Variants in THSD7A observed in about 807,000 individuals in gnomAD.
The protein encoded by THSD7A is thrombospondin type 1 domain containing 7A.
THSD7A carries 96 observed loss-of-function variants against 231.3 expected under a neutral mutation model. The ratio of observed to expected loss-of-function variants is 0.41; its 90% CI spans 0.35 to 0.49. The LOEUF (loss-of-function observed/expected upper bound fraction) is 0.49. Among genes scored for constraint, THSD7A ranks in the 20% least tolerant of loss-of-function variants. THSD7A has a pLI of 0.05. For missense variants in THSD7A, 2,290 were observed against 2,070.2 expected, an observed-to-expected ratio of 1.11 and a Z score of -2.06; for synonymous variants, 940 against 743.3, an observed-to-expected ratio of 1.26 and a Z score of -4.30.
At chr7:11,611,234 A>C (rs911892975) in intron 2 of THSD7A, among the ~76,000 whole-genome samples, 5 of 152,120 alleles carry the variant, frequency 3.3e-5, no homozygotes, top group African/African-American at 1.2e-4. Flanking sequence ...CAATAAAATA[A>C]ATGAATCCAA....
intron 1 of THSD7A, among the ~76,000 whole-genome samples, chr7:11,663,060 GT>G (rs143745520): frequency 0.044 from 6,714 of 151,026 alleles, 180 homozygotes; most frequent in East Asian, 0.13. Flanking sequence ...AATACTAAGA[GT>G]AAAAACTTAA....
At chr7:11,604,355 G>A (rs891189815) in intron 2 of THSD7A, among the ~76,000 whole-genome samples, 4 of 152,084 alleles carry the variant, frequency 2.6e-5, no homozygotes, top group African/African-American at 9.7e-5. Flanking sequence ...CGGGTACCGT[G>A]TTGAGTTTTA....
chr7:11,396,303 G>GT lies in THSD7A; in HGVS notation c.4411+5491dup, dbSNP rs548601884. Among the ~76,000 whole-genome samples, 138 of 152,176 alleles carry GT rather than the reference G, an allele frequency of 9.1e-4. 1 individual carries two copies. Among genetic ancestry groups the GT allele is most frequent in the African/African-American group, 3.3e-3 (137 of 41,516 alleles). ...GAAATAACTAAGAGCAGAGCTGAAG[G>GT]TGATAGAGACATGAAACACCCTTAA... On this transcript the variant is annotated intron_variant, in intron 23 of 27. Transcript: ENST00000423059.
intron 1 of THSD7A, among the ~76,000 whole-genome samples, chr7:11,763,001 T>C (rs943581683): frequency 6.6e-6 from 1 of 152,182 alleles, no homozygotes; most frequent in Non-Finnish European, 1.5e-5. Context: ...CAAACAATCC[T>C]AAGCAAACAT....
At chr7:11,589,845 C>T (rs1780082113) in intron 4 of THSD7A, among the ~76,000 whole-genome samples, 1 of 151,888 alleles carries the variant, frequency 6.6e-6, no homozygotes, top group African/African-American at 2.4e-5. Flanking sequence ...TTAGCTTGGG[C>T]CATTTTGTAT....
chr7:11,412,918 G>T lies in THSD7A; in HGVS notation c.3538-118C>A. 3.5e-6 allele frequency: 4 copies of T among 1,134,856 alleles called. No homozygotes were observed. In the South Asian group the frequency reaches 6.2e-5, roughly 18 times the overall value. The allele number at this position is 1,134,856 out of a possible 1,614,324, so 70.3% of individuals were successfully genotyped here. A position where few individuals can be genotyped will look rare whatever the true frequency, so the allele number is the denominator to read the frequency against. ...TTGGGCCACTGGCTAACTCAGAAAA[G>T]TCAGTCAACCTCATTATGCCTCAGT... On this transcript the variant is annotated intron_variant, in intron 17 of 27. Coordinates refer to ENST00000423059, the MANE Select transcript of THSD7A (RefSeq NM_015204.3).
chr7:11,521,491 TATTTA>T lies in THSD7A; in HGVS notation c.1822+19923_1822+19927del, dbSNP rs1562681607. ...TATTTTTTTATTTTATTTATTTATT[TATTTA>T]TTTTTTTATTATACTCTAAGTTTTA... On this transcript the variant is annotated intron_variant, in intron 6 of 27. Transcript: ENST00000423059. Among the ~76,000 whole-genome samples the T allele has an allele frequency of 2.1e-5, 3 of 142,962 alleles. 1 individual carries two copies. Among genetic ancestry groups the T allele is most frequent in the Middle Eastern group, 7.1e-3 (2 of 280 alleles). 93.8% of individuals were successfully genotyped at this position (142,962 alleles called of 152,430 possible).
At chr7:11,821,348 G>A (rs1333599986) in intron 1 of THSD7A, 2 of 667,434 alleles carry the variant, frequency 3.0e-6, no homozygotes, top group East Asian at 5.8e-5. Context: ...GAGCTAAGAG[G>A]ACTAATTTGA....
Position 11,636,637 on chromosome 7 carries a change from A to T in THSD7A, c.515T>A (p.Ile172Asn), listed in dbSNP as rs1430373353. The T allele has an allele frequency of 6.2e-7, 1 of 1,613,930 alleles. No individual in the cohort carries two copies. The highest frequency in any genetic ancestry group is 8.5e-7 in the Non-Finnish European group (1 of 1,179,876). ...QKDKDIPAED[I>N]ICEYFEPKPL... is the part of the protein sequence containing the mutation. ...CTTGGGCTCAAAGTACTCACAGATG[A>T]TATCCTCCGCAGGAATGTCTTTGTC... The change falls in exon 2 of 28, where the codon ATC becomes AAC. Residue 172 changes from isoleucine (I) to asparagine (N), a missense_variant. By Grantham distance (149) the Ile-to-Asn change is moderately radical (BLOSUM62 -3). Transcript: ENST00000423059. The surrounding 1 kb of genome is among the most constrained non-coding windows in gnomAD (Gnocchi z 10.0).
rs1781904522 is a variant in THSD7A at position 11,637,301 on chromosome 7, A to G, written c.191-340T>C. Reference sequence around the variant, plus strand: ...CAGAAATTAGTCACAGTGAAAACTCATTACTCCGGCCTCACAATCATCAAA... The same window carrying G: ...CAGAAATTAGTCACAGTGAAAACTCGTTACTCCGGCCTCACAATCATCAAA... On this transcript the variant is annotated intron_variant, in intron 1 of 27. Coordinates refer to ENST00000423059, the MANE Select transcript of THSD7A (RefSeq NM_015204.3). The surrounding 1 kb of genome is among the most constrained non-coding windows in gnomAD (Gnocchi z 4.2). Among the ~76,000 whole-genome samples, 3 of 152,170 alleles carry G rather than the reference A, an allele frequency of 2.0e-5. No homozygotes were observed. The highest frequency in any genetic ancestry group is 4.4e-5 in the Non-Finnish European group (3 of 68,022).
chr7:11,370,861 A>G lies in THSD7A; in HGVS notation c.*4933T>C, dbSNP rs1782025582. On this transcript the variant is annotated 3_prime_UTR_variant, in exon 28 of 28. Transcript: ENST00000423059. ...TCTGTGTGATAGAAATGGAGAAAAA[A>G]AGTACCAGAAAAGGAATCTAAATGT... 6.6e-6 allele frequency: 1 copy of G among 152,188 alleles called. No homozygotes were observed. 9.4% of individuals were successfully genotyped at this position (152,188 alleles called of 1,614,324 possible). A position where few individuals can be genotyped will look rare whatever the true frequency, so the allele number is the denominator to read the frequency against.
intron 16 of THSD7A, among the ~76,000 whole-genome samples, chr7:11,420,546 G>T (rs535603136): frequency 1.3e-5 from 2 of 152,370 alleles, no homozygotes; most frequent in African/African-American, 2.4e-5. Context: ...TGTCCTGGCA[G>T]AAGTCTGTTG....
chr7:11,639,115 G>T (rs1180847011), intron 1 of THSD7A, among the ~76,000 whole-genome samples: 2 of 152,010 alleles, frequency 1.3e-5, no homozygotes, highest in African/African-American at 4.8e-5. Flanking sequence ...TAAACTATAT[G>T]CCATTAAGTC....
chr7:11,376,645 T>G lies in THSD7A; in HGVS notation c.4814A>C (p.Lys1605Thr), dbSNP rs1002037195. The change falls in exon 27 of 28, where the codon AAG becomes ACG. Residue 1605 changes from lysine to threonine, a missense_variant. Coordinates refer to ENST00000423059, the MANE Select transcript of THSD7A (RefSeq NM_015204.3). ...LQPFGPDGRL[K>T]TWVYGVAAGA... ...AGCTGCTACACCGTAAACCCAGGTC[T>G]TTAGTCTCCCATCTAAGAAGAATGG... 6.3e-6 allele frequency: 10 copies of G among 1,578,118 alleles called. No individual in the cohort carries two copies. Among genetic ancestry groups the G allele is most frequent in the Non-Finnish European group, 7.8e-6 (9 of 1,160,906 alleles).
intron 6 of THSD7A, among the ~76,000 whole-genome samples, chr7:11,499,413 G>C (rs1333499517): frequency 6.6e-6 from 1 of 152,158 alleles, no homozygotes; most frequent in African/African-American, 2.4e-5. Flanking sequence ...TAAACACCAA[G>C]ATTTCCCTAG....
At chr7:11,539,024 T>C (rs1016535784) in intron 6 of THSD7A, among the ~76,000 whole-genome samples, 4 of 152,242 alleles carry the variant, frequency 2.6e-5, no homozygotes, top group Non-Finnish European at 5.9e-5. Flanking sequence ...TAATGCTTCA[T>C]GCCCCTAGTC....
At position 11,375,887 on chromosome 7, in the gene THSD7A, A is replaced by C; in HGVS notation, c.4890-9T>G. ...GTTTCTTTGGCTTTTTGCTGTAAAAAAATTCGGAATTAGGAGAAAGAAAAT... is the reference window on the plus strand; with the variant it reads ...GTTTCTTTGGCTTTTTGCTGTAAAACAATTCGGAATTAGGAGAAAGAAAAT... On this transcript the variant is annotated splice_polypyrimidine_tract_variant and intron_variant, in intron 27 of 27. Coordinates refer to ENST00000423059, the MANE Select transcript of THSD7A (RefSeq NM_015204.3). The C allele has an allele frequency of 6.2e-7, 1 of 1,612,162 alleles. No homozygotes were observed. Among genetic ancestry groups the C allele is most frequent in the Non-Finnish European group, 8.5e-7 (1 of 1,178,700 alleles).
chr7:11,657,025 T>C (rs776835316), intron 1 of THSD7A, among the ~76,000 whole-genome samples: 3 of 151,844 alleles, frequency 2.0e-5, no homozygotes, highest in Non-Finnish European at 4.4e-5. Flanking sequence ...TTACATTGTG[T>C]CCTACAGTCA....
chr7:11,697,592 T>G (rs941453436), intron 1 of THSD7A, among the ~76,000 whole-genome samples: 1 of 151,228 alleles, frequency 6.6e-6, no homozygotes, highest in Non-Finnish European at 1.5e-5. Flanking sequence ...CATCTAGAAT[T>G]CTTGTTCTTG....
Sources: allele counts gnomAD v4.1 joint callset (sites outside exome capture counted in the v4.1 genomes callset), GRCh38; gene constraint gnomAD v4.1.1; non-coding constraint Gnocchi (gnomAD v3.1); transcripts MANE v1.5; gene names NCBI Gene and HGNC (gene_info 2026-07-23, HGNC 2026-07-21).